Variants in SEC14L5 observed in about 807,000 individuals in gnomAD.
SEC14L5 encodes the protein SEC14 like lipid binding 5.
Under a neutral mutation model 84.6 loss-of-function variants are expected in SEC14L5, and 96 were observed. The ratio of observed to expected loss-of-function variants is 1.13; its 90% CI spans 0.96 to 1.34. SEC14L5 has a LOEUF of 1.34. SEC14L5 is among the 40% of genes most tolerant of loss of function. The pLI is 0.00. For synonymous variants in SEC14L5, 546 were observed against 383.4 expected (o/e 1.42, Z -4.95); for missense variants, 1,224 against 942.5 (o/e 1.30, Z -3.91).
intron 5 of SEC14L5, among the ~76,000 whole-genome samples, 159 bp from the exon 6 acceptor site, chr16:4,991,679 C>T (rs568973719): frequency 5.3e-5 from 8 of 152,324 alleles, no homozygotes; most frequent in Non-Finnish European, 1.0e-4. Flanking sequence ...GTTGGACACT[C>T]GCAGCTTCTC....
chr16:5,012,015 T>C (rs1260578797), intron 15 of SEC14L5, among the ~76,000 whole-genome samples: 4 of 152,180 alleles, frequency 2.6e-5, no homozygotes, highest in African/African-American at 9.7e-5. Flanking sequence ...TTAAATTCTT[T>C]CCCGTGGGGG....
chr16:4,996,478 C>G lies in SEC14L5; in HGVS notation c.780+18C>G, dbSNP rs1374364029. 7.0e-7 allele frequency: 1 copy of G among 1,425,688 alleles called. No homozygotes were observed. The highest frequency in any genetic ancestry group is 9.7e-7 in the Non-Finnish European group (1 of 1,031,538). 88.3% of individuals were successfully genotyped at this position (1,425,688 alleles called of 1,614,324 possible). On this transcript the variant is annotated intron_variant, in intron 7 of 15. Coordinates refer to ENST00000251170, the MANE Select transcript of SEC14L5 (RefSeq NM_014692.2). ...AAGGCAAGGTGGGTGCAGGGGGTAC[C>G]CTGGAGCAGTGGATGAATGGGCAAT...
chr16:4,979,534 T>G (rs1745086726), intron 2 of SEC14L5, among the ~76,000 whole-genome samples: 1 of 152,180 alleles, frequency 6.6e-6, no homozygotes, highest in Non-Finnish European at 1.5e-5. Flanking sequence ...AGCTGAAAAT[T>G]GTCCAAATGT....
At position 4,987,753 on chromosome 16, in the gene SEC14L5, AGGTGCGGGAGGGCTG is replaced by A. The variant is rs748647886; in HGVS notation, c.213+50_213+64del. ...GGGCGGAGGAGGGGACCTGTTGCGGAGGTGCGGGAGGGCTGGGCGCGGGAGCTGGGGACCAGGGCG... is the reference window on the plus strand; with the variant it reads ...GGGCGGAGGAGGGGACCTGTTGCGGAGGCGCGGGAGCTGGGGACCAGGGCG... On this transcript the variant is annotated intron_variant, in intron 3 of 15. Coordinates refer to ENST00000251170, the MANE Select transcript of SEC14L5 (RefSeq NM_014692.2). 1.3e-4 allele frequency: 159 copies of A among 1,227,218 alleles called. 1 individual carries two copies. In the Middle Eastern group the frequency reaches 1.4e-3, roughly 11 times the overall value. The allele number at this position is 1,227,218 out of a possible 1,614,324, so 76.0% of individuals were successfully genotyped here.
chr16:5,014,354 G>C (rs1038374902), intron 15 of SEC14L5, among the ~76,000 whole-genome samples: 14 of 152,206 alleles, frequency 9.2e-5, no homozygotes, highest in African/African-American at 3.4e-4. Context: ...TTTGAGACCA[G>C]CCTGGGCAGC....
At chr16:4,958,882 C>A (rs11643169) in intron 1 of SEC14L5, among the ~76,000 whole-genome samples, 2 of 151,738 alleles carry the variant, frequency 1.3e-5, no homozygotes, top group Non-Finnish European at 2.9e-5. Flanking sequence ...CAAGGAGACT[C>A]GGGGGTGGGC....
At chr16:4,996,799 T>C in intron 7 of SEC14L5, 56 bp from the exon 8 acceptor site, 7 of 1,397,506 alleles carry the variant, frequency 5.0e-6, no homozygotes, top group Non-Finnish European at 4.9e-6. Flanking sequence ...TCTGTAATTT[T>C]ATCTGCTGGG....
chr16:4,985,149 A>G (rs1955469650), intron 2 of SEC14L5, among the ~76,000 whole-genome samples: 2 of 152,154 alleles, frequency 1.3e-5, no homozygotes, highest in South Asian at 4.1e-4. Context: ...CAAGTTCATA[A>G]AGATTTATTC....
At chr16:5,006,079 G>A (rs1298152428) in intron 12 of SEC14L5, 31 bp downstream of exon 12, 1 of 1,609,970 alleles carries the variant, frequency 6.2e-7, no homozygotes, top group Admixed American at 1.7e-5. Context: ...GACAGACCTG[G>A]GCTTGAGGAG....
chr16:5,013,474 A>G (rs1004316585), intron 15 of SEC14L5, among the ~76,000 whole-genome samples: 1 of 147,028 alleles, frequency 6.8e-6, no homozygotes. Flanking sequence ...GTAGCCTTGA[A>G]CTCCCGGGCT....
rs1238053193 is a variant in SEC14L5 at position 4,985,612 on chromosome 16, T to C, written c.64-1945T>C. 2.0e-5 allele frequency among the ~76,000 whole-genome samples: 3 copies of C among 152,306 alleles called. No homozygotes were observed. In the East Asian group the frequency reaches 5.8e-4, roughly 29 times the overall value. On this transcript the variant is annotated intron_variant, in intron 2 of 15. Transcript: ENST00000251170. ...TTATTCTTTTCTCATCAGATTGTCTTGACACCTTTGTAAAAAATCAGTTGG... is the reference window on the plus strand; with the variant it reads ...TTATTCTTTTCTCATCAGATTGTCTCGACACCTTTGTAAAAAATCAGTTGG...
chr16:4,993,614 T>C (rs894131504), intron 6 of SEC14L5, among the ~76,000 whole-genome samples: 5 of 152,240 alleles, frequency 3.3e-5, no homozygotes, highest in African/African-American at 1.2e-4. Flanking sequence ...GTTTCAGTTT[T>C]TAAAAATACA....
intron 10 of SEC14L5, 85 bp downstream of exon 10, chr16:5,001,010 T>C (rs1025869474): frequency 7.5e-6 from 8 of 1,070,512 alleles, no homozygotes; most frequent in South Asian, 1.4e-5. Context: ...TGTGCTGGGC[T>C]GGGCAGCGTG....
chr16:4,976,298 A>G (rs893609959), intron 2 of SEC14L5, among the ~76,000 whole-genome samples: 6 of 152,140 alleles, frequency 3.9e-5, no homozygotes, highest in Non-Finnish European at 1.5e-5. Context: ...CAGAGCAGAG[A>G]TCCCAACCCA....
intron 7 of SEC14L5, among the ~76,000 whole-genome samples, 187 bp downstream of exon 7, chr16:4,996,647 C>G (rs11862938): frequency 0.045 from 6,819 of 152,184 alleles, 502 homozygotes; most frequent in African/African-American, 0.15. Context: ...GTGATCCTCA[C>G]TGCAACCTTC....
At chr16:5,002,572 T>A (rs1416756337) in intron 10 of SEC14L5, among the ~76,000 whole-genome samples, 1 of 152,156 alleles carries the variant, frequency 6.6e-6, no homozygotes, top group Non-Finnish European at 1.5e-5. Context: ...AATCCATTAG[T>A]GTCCTGGCCG....
chr16:4,992,341 C>G (rs1330593820), intron 6 of SEC14L5, among the ~76,000 whole-genome samples: 1 of 152,232 alleles, frequency 6.6e-6, no homozygotes, highest in Non-Finnish European at 1.5e-5. Flanking sequence ...ACCTCCGCCC[C>G]CCGGGTTCAA....
At chr16:5,008,388 C>T (rs201663366) in intron 13 of SEC14L5, 33 bp from the exon 14 acceptor site, 62 of 1,513,874 alleles carry the variant, frequency 4.1e-5, no homozygotes, top group Middle Eastern at 4.1e-4. Flanking sequence ...CTCTCTCGGC[C>T]GTGACTCTCA....
In SEC14L5 at chr16:5,017,417, C is replaced by T. The variant is rs747860279; in HGVS notation, c.*2447C>T. ...ATGTCCTCAGGCCTCTCAACTGCAC[C>T]CAGGCCTCTTGACTCTGCATCTCTT... On this transcript the variant is annotated 3_prime_UTR_variant, in exon 16 of 16. Coordinates refer to ENST00000251170, the MANE Select transcript of SEC14L5 (RefSeq NM_014692.2). 1 of 152,278 alleles carries T rather than the reference C, an allele frequency of 6.6e-6. No homozygotes were observed. The highest frequency in any genetic ancestry group is 1.5e-5 in the Non-Finnish European group (1 of 68,106). The allele number at this position is 152,278 out of a possible 1,614,324, so 9.4% of individuals were successfully genotyped here.
Sources: allele counts gnomAD v4.1 joint callset (sites outside exome capture counted in the v4.1 genomes callset), GRCh38; gene constraint gnomAD v4.1.1; transcripts MANE v1.5; gene names NCBI Gene and HGNC (gene_info 2026-07-23, HGNC 2026-07-21).